The following SH3KBP1 variants were observed in gnomAD, a reference collection of about 807,000 sequenced individuals.
The protein encoded by SH3KBP1 is SH3 domain-containing kinase-binding protein 1.
SH3KBP1 carries 8 observed loss-of-function variants against 50.1 expected under a neutral mutation model. The ratio of observed to expected loss-of-function variants is 0.16; its 90% CI spans 0.09 to 0.29. The LOEUF is 0.29. Among genes scored for constraint, SH3KBP1 ranks in the 10% least tolerant of loss-of-function variants. The pLI is 1.00. For missense variants in SH3KBP1, 377 were observed against 535.2 expected (o/e 0.70, Z 2.92); for synonymous variants, 227 against 218.6 (o/e 1.04, Z -0.34).
In SH3KBP1 at chrX:19,589,213, T is replaced by C. The variant is rs192133871; in HGVS notation, c.1139-411A>G. Among the ~76,000 whole-genome samples, 871 of 112,653 alleles carry C rather than the reference T, an allele frequency of 7.7e-3. 11 individuals are homozygous for C. The highest frequency in any genetic ancestry group is 0.026 in the African/African-American group (818 of 31,023). ...CTCAGACACTTTCTGGGTGTTTGCA[T>C]GTTTGGCACAGCCTGTAGGCCGACA... On this transcript the variant is annotated intron_variant, in intron 11 of 17. Transcript: ENST00000397821.
At chrX:19,821,522 A>T (rs1003769490) in intron 2 of SH3KBP1, among the ~76,000 whole-genome samples, 1 of 111,112 alleles carries the variant, frequency 9.0e-6, no homozygotes, top group Non-Finnish European at 1.9e-5. Context: ...CATTTCTTTT[A>T]TGTTTAAAAA....
At chrX:19,592,856 G>A (rs929508160) in intron 10 of SH3KBP1, among the ~76,000 whole-genome samples, 1 of 112,277 alleles carries the variant, frequency 8.9e-6, no homozygotes, top group Non-Finnish European at 1.9e-5. Context: ...TTGCCAAGGG[G>A]AGCCAGACAC....
intron 5 of SH3KBP1, among the ~76,000 whole-genome samples, chrX:19,687,080 C>T (rs752288032): frequency 1.8e-4 from 20 of 113,070 alleles, no homozygotes; most frequent in Non-Finnish European, 1.9e-5. Context: ...AAAGGCTACA[C>T]ATTGGTCCTG....
intron 8 of SH3KBP1, among the ~76,000 whole-genome samples, chrX:19,615,867 C>T (rs994958813): frequency 8.1e-5 from 9 of 110,899 alleles, no homozygotes; most frequent in East Asian, 5.6e-4. Context: ...GAAAACACTA[C>T]ATTCCAAATG....
Position 19,805,141 on chromosome X carries a change from A to G in SH3KBP1, c.162+30984T>C, listed in dbSNP as rs964402150. On this transcript the variant is annotated intron_variant, in intron 2 of 17. Coordinates refer to ENST00000397821, the MANE Select transcript of SH3KBP1 (RefSeq NM_031892.3). ...CACCCTCACCATCCTCCTAGAAAACATGACTAGTCAGATTAAATGTAAAGG... is the reference window on the plus strand; with the variant it reads ...CACCCTCACCATCCTCCTAGAAAACGTGACTAGTCAGATTAAATGTAAAGG... Among the ~76,000 whole-genome samples the G allele has an allele frequency of 7.2e-4, 80 of 110,537 alleles. 1 individual carries two copies. Among genetic ancestry groups the G allele is most frequent in the Non-Finnish European group, 1.2e-3 (63 of 52,870 alleles).
At chrX:19,589,671 T>C (rs1200247118) in intron 11 of SH3KBP1, among the ~76,000 whole-genome samples, 1 of 110,638 alleles carries the variant, frequency 9.0e-6, no homozygotes, top group Non-Finnish European at 1.9e-5. Flanking sequence ...TCCACATTCT[T>C]CTTGATAAAG....
chrX:19,768,012 A>G (rs1441584765), intron 2 of SH3KBP1, among the ~76,000 whole-genome samples: 1 of 111,286 alleles, frequency 9.0e-6, no homozygotes, highest in Non-Finnish European at 1.9e-5. Context: ...GTTTTAGGTC[A>G]CACACAGGAA....
At chrX:19,749,097 C>G (rs1480944543) in intron 2 of SH3KBP1, among the ~76,000 whole-genome samples, 1 of 112,070 alleles carries the variant, frequency 8.9e-6, no homozygotes, top group African/African-American at 3.2e-5. Context: ...AATGAAATAC[C>G]CTTTCGTACC....
chrX:19,695,744 G>A lies in SH3KBP1; in HGVS notation c.391-3C>T. 1 of 1,209,177 alleles carries A rather than the reference G, an allele frequency of 8.3e-7. No individual in the cohort carries two copies. The highest frequency in any genetic ancestry group is 1.8e-5 in the South Asian group (1 of 56,855). On this transcript the variant is annotated splice_polypyrimidine_tract_variant and splice_region_variant and intron_variant, in intron 4 of 17. Coordinates refer to ENST00000397821, the MANE Select transcript of SH3KBP1 (RefSeq NM_031892.3). Reference sequence around the variant, plus strand: ...CCTTCCCACCATCCTTCCTCTACCTGCAGAGATACAAACAAAAGAGCAGAG... The same window carrying A: ...CCTTCCCACCATCCTTCCTCTACCTACAGAGATACAAACAAAAGAGCAGAG...
rs372118373 is a variant in SH3KBP1 at position 19,703,322 on chromosome X, T to TA, written c.390+3558dup. On this transcript the variant is annotated intron_variant, in intron 4 of 17. Transcript: ENST00000397821. ...GGATAAAGGTAATGATCTGAATGTT[T>TA]AAAAAAAAAAAACTGTTGCCAAATT... is the stretch of plus-strand genomic sequence containing the variant. Among the ~76,000 whole-genome samples, 106 of 103,512 alleles carry TA rather than the reference T, an allele frequency of 1.0e-3. 1 individual carries two copies. The highest frequency in any genetic ancestry group is 2.4e-3 in the East Asian group (8 of 3,378). 89.9% of individuals were successfully genotyped at this position (103,512 alleles called of 115,157 possible).
intron 2 of SH3KBP1, among the ~76,000 whole-genome samples, chrX:19,828,879 G>A (rs957140118): frequency 2.7e-5 from 3 of 111,839 alleles, no homozygotes; most frequent in Non-Finnish European, 3.8e-5. Context: ...GCATCAGGAC[G>A]CCTCACCAGT....
At chrX:19,874,068 A>AAAAAAAAAAAT (rs1491537486) in intron 1 of SH3KBP1, among the ~76,000 whole-genome samples, 4 of 57,041 alleles carry the variant, frequency 7.0e-5, no homozygotes, top group African/African-American at 4.8e-4. Flanking sequence ...AAAAAAAAAA[A>AAAAAAAAAAAT]ATATATATAT....
chrX:19,670,051 T>TAG (rs1330999539), intron 6 of SH3KBP1, among the ~76,000 whole-genome samples: 2 of 111,226 alleles, frequency 1.8e-5, no homozygotes, highest in African/African-American at 6.6e-5. Context: ...AAGCCTTACT[T>TAG]ATCCTGTGGT....
At chrX:19,767,073 A>G (rs148543908) in intron 2 of SH3KBP1, among the ~76,000 whole-genome samples, 14,523 of 111,568 alleles carry the variant, frequency 0.13, 769 homozygotes, top group African/African-American at 0.16. Context: ...AAAATAGCAC[A>G]TGAACTGAGC....
chrX:19,712,724 C>T (rs2063806092), intron 3 of SH3KBP1, among the ~76,000 whole-genome samples: 1 of 110,978 alleles, frequency 9.0e-6, no homozygotes, highest in African/African-American at 3.3e-5. Context: ...ACAGCCTTAC[C>T]CAAGTGATCC....
At chrX:19,677,152 A>G (rs754458953) in intron 6 of SH3KBP1, among the ~76,000 whole-genome samples, 3 of 112,158 alleles carry the variant, frequency 2.7e-5, no homozygotes, top group Non-Finnish European at 3.8e-5. Context: ...GCATTATTCT[A>G]TATAAAGCCA....
intron 2 of SH3KBP1, among the ~76,000 whole-genome samples, chrX:19,786,984 G>T (rs1426439464): frequency 8.9e-6 from 1 of 111,867 alleles, no homozygotes; most frequent in Non-Finnish European, 1.9e-5. Flanking sequence ...TCTATCTTGT[G>T]AAGAAAATTT....
chrX:19,843,008 CTTTTTTTTTTT>C (rs1208728077), intron 1 of SH3KBP1, among the ~76,000 whole-genome samples: 2 of 65,182 alleles, frequency 3.1e-5, no homozygotes, highest in Non-Finnish European at 5.3e-5. Context: ...CGTGCATCAA[CTTTTTTTTTTT>C]TTTTTTTTTT....
chrX:19,723,441 T>C (rs1038702249), intron 3 of SH3KBP1, among the ~76,000 whole-genome samples: 1 of 112,191 alleles, frequency 8.9e-6, no homozygotes, highest in Non-Finnish European at 1.9e-5. Context: ...AATACAAAAA[T>C]TGCAATATAG....
Sources: gnomAD v4.1 joint callset for allele counts (sites outside exome capture counted in the v4.1 genomes callset) on GRCh38, gnomAD v4.1.1 for gene constraint, MANE v1.5 for transcripts, NCBI Gene and HGNC (gene_info 2026-07-23, HGNC 2026-07-21) for gene names.